The following MAML2 variants were observed in gnomAD, a reference collection of about 807,000 sequenced individuals.
The protein encoded by MAML2 is mastermind like transcriptional coactivator 2.
A neutral mutation model predicts 96.1 loss-of-function variants in MAML2; 22 were observed. The observed-to-expected ratio is 0.23, with a 90% confidence interval of 0.16 to 0.33. MAML2 has a LOEUF of 0.33. Among genes scored for constraint, MAML2 ranks in the 10% least tolerant of loss-of-function variants. The pLI is 1.00. For missense variants in MAML2, 1,367 were observed against 1,392.4 expected, an observed-to-expected ratio of 0.98 and a Z score of 0.29; for synonymous variants, 561 against 521.3, an observed-to-expected ratio of 1.08 and a Z score of -1.04.
chr11:96,185,472 C>T (rs1382540295), intron 1 of MAML2, among the ~76,000 whole-genome samples: 3 of 152,190 alleles, frequency 2.0e-5, no homozygotes, highest in Non-Finnish European at 2.9e-5. Context: ...AGCGCTGGGT[C>T]TTCCACAGAA....
chr11:96,165,105 G>A (rs1861171227), intron 1 of MAML2, among the ~76,000 whole-genome samples: 1 of 152,138 alleles, frequency 6.6e-6, no homozygotes, highest in Non-Finnish European at 1.5e-5. Flanking sequence ...GTTTCTTCTA[G>A]GCATGCATAT....
intron 1 of MAML2, among the ~76,000 whole-genome samples, chr11:96,142,236 G>A (rs1047480665): frequency 2.6e-5 from 4 of 152,116 alleles, no homozygotes; most frequent in African/African-American, 9.7e-5. Context: ...AAACCCAAAG[G>A]ACCAGTAAGA....
At chr11:96,026,150 T>C (rs1434598570) in intron 2 of MAML2, among the ~76,000 whole-genome samples, 1 of 152,184 alleles carries the variant, frequency 6.6e-6, no homozygotes, top group Non-Finnish European at 1.5e-5. Flanking sequence ...TTAACCACCA[T>C]CTGGACTGCA....
intron 1 of MAML2, among the ~76,000 whole-genome samples, chr11:96,113,483 C>T (rs1005084006): frequency 6.6e-6 from 1 of 151,836 alleles, no homozygotes; most frequent in African/African-American, 2.4e-5. Flanking sequence ...TTATTTTAGT[C>T]TCCCACCAGC....
At chr11:96,144,182 A>T (rs1470986237) in intron 1 of MAML2, among the ~76,000 whole-genome samples, 1 of 152,200 alleles carries the variant, frequency 6.6e-6, no homozygotes, top group African/African-American at 2.4e-5. Context: ...ACCTTTTACT[A>T]ACCAGGTAAA....
chr11:96,233,268 C>T (rs1039048944), intron 1 of MAML2, among the ~76,000 whole-genome samples: 1 of 152,034 alleles, frequency 6.6e-6, no homozygotes, highest in African/African-American at 2.4e-5. Flanking sequence ...GTAAAAGAAA[C>T]TTTTAAATAA....
At chr11:96,288,454 A>G (rs1863168042) in intron 1 of MAML2, among the ~76,000 whole-genome samples, 1 of 150,004 alleles carries the variant, frequency 6.7e-6, no homozygotes, top group Non-Finnish European at 1.5e-5. Context: ...AGGCAGGAGA[A>G]TTGCTGGAAC....
chr11:96,234,565 T>C (rs917728739), intron 1 of MAML2, among the ~76,000 whole-genome samples: 4 of 152,198 alleles, frequency 2.6e-5, no homozygotes, highest in African/African-American at 9.7e-5. Context: ...CAGTCACCAA[T>C]GTAGGTATTC....
chr11:96,154,697 A>G (rs999895133), intron 1 of MAML2, among the ~76,000 whole-genome samples: 4 of 152,230 alleles, frequency 2.6e-5, no homozygotes, highest in African/African-American at 9.6e-5. Flanking sequence ...GGAAGGACCC[A>G]GGATATTCAC....
At chr11:96,250,811 G>A (rs1862571493) in intron 1 of MAML2, among the ~76,000 whole-genome samples, 1 of 152,124 alleles carries the variant, frequency 6.6e-6, no homozygotes. Flanking sequence ...ACTTGATTCA[G>A]GATTAATAGT....
intron 3 of MAML2, among the ~76,000 whole-genome samples, 168 bp downstream of exon 3, chr11:95,991,350 GTT>G (rs5793764): frequency 9.9e-5 from 15 of 151,694 alleles, no homozygotes; most frequent in African/African-American, 2.7e-4. Context: ...TCAAGTTTGG[GTT>G]TTTTTTTCTT....
intron 1 of MAML2, among the ~76,000 whole-genome samples, chr11:96,159,552 A>C (rs1030835881): frequency 1.3e-5 from 2 of 151,302 alleles, no homozygotes; most frequent in Non-Finnish European, 2.9e-5. Flanking sequence ...CAGCCTCCCG[A>C]GTTGCTGGGA....
At chr11:96,016,290 T>C (rs1858351351) in intron 2 of MAML2, among the ~76,000 whole-genome samples, 2 of 151,614 alleles carry the variant, frequency 1.3e-5, no homozygotes, top group South Asian at 4.2e-4. Flanking sequence ...GCAGTGCACA[T>C]TAGGAGGGAG....
chr11:96,332,938 G>C (rs139607986), intron 1 of MAML2, among the ~76,000 whole-genome samples: 1 of 152,196 alleles, frequency 6.6e-6, no homozygotes, highest in Non-Finnish European at 1.5e-5. Flanking sequence ...AAGAGATACT[G>C]TGTATCCAAC....
chr11:96,028,848 T>C (rs990256967), intron 2 of MAML2, among the ~76,000 whole-genome samples: 2 of 152,186 alleles, frequency 1.3e-5, no homozygotes, highest in African/African-American at 4.8e-5. Flanking sequence ...ATAATAATTT[T>C]CCAGGTCTTA....
At chr11:96,315,181 C>T (rs1863611896) in intron 1 of MAML2, among the ~76,000 whole-genome samples, 1 of 151,708 alleles carries the variant, frequency 6.6e-6, no homozygotes, top group Non-Finnish European at 1.5e-5. Flanking sequence ...AATGTCTGAT[C>T]CCAATTCATG....
At chr11:96,170,906 G>T (rs187118029) in intron 1 of MAML2, among the ~76,000 whole-genome samples, 1 of 152,264 alleles carries the variant, frequency 6.6e-6, no homozygotes, top group African/African-American at 2.4e-5. Context: ...AGCAGAGATT[G>T]GGTTTCACCA....
intron 1 of MAML2, among the ~76,000 whole-genome samples, chr11:96,095,099 T>C (rs1300924470): frequency 1.3e-5 from 2 of 152,208 alleles, no homozygotes; most frequent in Admixed American, 6.5e-5. Flanking sequence ...AGCTAGCAAG[T>C]GGGCTTTAAC....
intron 1 of MAML2, among the ~76,000 whole-genome samples, chr11:96,174,309 C>G (rs186933017): frequency 5.0e-4 from 76 of 152,322 alleles, no homozygotes; most frequent in South Asian, 1.2e-3. Context: ...GAACACTCCC[C>G]CAGGACACTG....
Sources: gnomAD v4.1 joint callset for allele counts (sites outside exome capture counted in the v4.1 genomes callset) on GRCh38, gnomAD v4.1.1 for gene constraint, MANE v1.5 for transcripts, NCBI Gene and HGNC (gene_info 2026-07-23, HGNC 2026-07-21) for gene names.